AGBL4: variants seen among roughly 807,000 people sequenced by gnomAD.
The protein encoded by AGBL4 is AGBL carboxypeptidase 4, also known as cytosolic carboxypeptidase 6.
In AGBL4, 58 loss-of-function variants were observed where a neutral mutation model predicts 66.4. The ratio of observed to expected loss-of-function variants is 0.87; its 90% CI spans 0.71 to 1.09. The LOEUF (loss-of-function observed/expected upper bound fraction) is 1.09. AGBL4 is among the 50% of genes least tolerant of loss of function. The pLI is 0.00. For synonymous variants in AGBL4, 234 were observed against 222.9 expected, an observed-to-expected ratio of 1.05 and a Z score of -0.44; for missense variants, 579 against 631.0, an observed-to-expected ratio of 0.92 and a Z score of 0.88.
chr1:49,208,146 C>G (rs1648388725), intron 4 of AGBL4, among the ~76,000 whole-genome samples: 1 of 151,982 alleles, frequency 6.6e-6, no homozygotes, highest in Non-Finnish European at 1.5e-5. Flanking sequence ...CTCAGTTTTA[C>G]AGATGAGGAA....
chr1:49,043,767 C>G (rs972197583), intron 5 of AGBL4, among the ~76,000 whole-genome samples: 8 of 152,172 alleles, frequency 5.3e-5, no homozygotes, highest in Non-Finnish European at 8.8e-5. Flanking sequence ...GCTATGAAAT[C>G]ATAGTGCACA....
chr1:49,267,341 C>T (rs1643945352), intron 3 of AGBL4, among the ~76,000 whole-genome samples: 1 of 152,118 alleles, frequency 6.6e-6, no homozygotes, highest in Non-Finnish European at 1.5e-5. Flanking sequence ...ACTGACAGGG[C>T]TGAAGTCAGA....
At chr1:49,563,468 T>C (rs1644107658) in intron 3 of AGBL4, among the ~76,000 whole-genome samples, 1 of 152,198 alleles carries the variant, frequency 6.6e-6, no homozygotes, top group South Asian at 2.1e-4. Flanking sequence ...CTCTTATTAT[T>C]TTGAGATACG....
At chr1:48,835,478 G>A (rs966724178) in intron 6 of AGBL4, among the ~76,000 whole-genome samples, 1 of 152,096 alleles carries the variant, frequency 6.6e-6, no homozygotes, top group African/African-American at 2.4e-5. Flanking sequence ...AGTGTTCTAT[G>A]AGTGCATATA....
chr1:49,102,608 T>A (rs1306575260), intron 4 of AGBL4, among the ~76,000 whole-genome samples: 1 of 152,214 alleles, frequency 6.6e-6, no homozygotes, highest in Non-Finnish European at 1.5e-5. Flanking sequence ...AATGTGAGTA[T>A]AGTTATTGAC....
intron 3 of AGBL4, among the ~76,000 whole-genome samples, chr1:49,393,329 G>A (rs1570605827): frequency 6.6e-6 from 1 of 152,278 alleles, no homozygotes; most frequent in East Asian, 1.9e-4. Context: ...GGCCAATTGA[G>A]TCACATTATT....
At chr1:49,762,171 C>G (rs954030125) in intron 2 of AGBL4, among the ~76,000 whole-genome samples, 3 of 152,082 alleles carry the variant, frequency 2.0e-5, no homozygotes, top group Admixed American at 1.3e-4. Flanking sequence ...TACATAGTGG[C>G]TGTATTAATT....
chr1:48,741,452 G>C (rs946622578), intron 6 of AGBL4, among the ~76,000 whole-genome samples: 3 of 152,228 alleles, frequency 2.0e-5, no homozygotes, highest in Non-Finnish European at 4.4e-5. Context: ...CTGCAAAGCT[G>C]ACGTTTCAAG....
At chr1:48,789,669 G>C (rs1645498689) in intron 6 of AGBL4, among the ~76,000 whole-genome samples, 1 of 152,098 alleles carries the variant, frequency 6.6e-6, no homozygotes, top group African/African-American at 2.4e-5. Context: ...TGATTCTTTA[G>C]GGACAAGATG....
chr1:49,874,570 G>GA (rs1646926934), intron 1 of AGBL4, among the ~76,000 whole-genome samples: 1 of 152,032 alleles, frequency 6.6e-6, no homozygotes, highest in Admixed American at 6.6e-5. Context: ...TATAAATATT[G>GA]AAAAAAGTAG....
chr1:49,009,472 C>A (rs1292909020), intron 5 of AGBL4, among the ~76,000 whole-genome samples: 1 of 150,642 alleles, frequency 6.6e-6, no homozygotes, highest in African/African-American at 2.4e-5. Flanking sequence ...GGTACCATTC[C>A]TTCTGAAACT....
chr1:49,976,688 T>C (rs1658584734), intron 1 of AGBL4, among the ~76,000 whole-genome samples: 1 of 152,248 alleles, frequency 6.6e-6, no homozygotes, highest in Non-Finnish European at 1.5e-5. Context: ...CAGAGCTTTA[T>C]AATGATGTCA....
chr1:49,364,719 C>T lies in AGBL4; in HGVS notation c.283-118855G>A, dbSNP rs956655793. Reference sequence around the variant, plus strand: ...TCTTGAACTCCTGGCCTCAAGTGATCTGCCCACCTCGGCCTCCCAAAGTGC... The same window carrying T: ...TCTTGAACTCCTGGCCTCAAGTGATTTGCCCACCTCGGCCTCCCAAAGTGC... On this transcript the variant is annotated intron_variant, in intron 3 of 13. Transcript: ENST00000371839. Among the ~76,000 whole-genome samples, 4 of 152,338 alleles carry T rather than the reference C, an allele frequency of 2.6e-5. No individual in the cohort carries two copies. In the East Asian group the frequency reaches 7.7e-4, roughly 29 times the overall value.
intron 4 of AGBL4, among the ~76,000 whole-genome samples, chr1:49,219,732 C>T (rs1649352894): frequency 6.6e-6 from 1 of 152,122 alleles, no homozygotes; most frequent in African/African-American, 2.4e-5. Flanking sequence ...GTTTAACTCA[C>T]TTCTTGTTGA....
intron 3 of AGBL4, among the ~76,000 whole-genome samples, chr1:49,653,300 C>T (rs996126793): frequency 1.3e-5 from 2 of 152,026 alleles, no homozygotes; most frequent in Admixed American, 6.6e-5. Flanking sequence ...AAACACCCCA[C>T]AAAACCACAT....
intron 4 of AGBL4, among the ~76,000 whole-genome samples, chr1:49,176,623 A>C (rs1182097678): frequency 6.6e-6 from 1 of 152,218 alleles, no homozygotes; most frequent in East Asian, 1.9e-4. Flanking sequence ...TGCACAGATG[A>C]TAGAACACAT....
intron 3 of AGBL4, among the ~76,000 whole-genome samples, chr1:49,366,589 T>C (rs572185713): frequency 7.4e-4 from 112 of 152,254 alleles, no homozygotes; most frequent in Non-Finnish European, 1.9e-4. Flanking sequence ...TGTCATAGCT[T>C]TTTCTGAGAC....
chr1:49,814,624 C>A (rs935113214), intron 2 of AGBL4, among the ~76,000 whole-genome samples: 1 of 152,124 alleles, frequency 6.6e-6, no homozygotes, highest in Non-Finnish European at 1.5e-5. Context: ...AGGTTTCCAG[C>A]TTTTCTGAAG....
At chr1:48,593,037 A>G (rs1348768096) in intron 9 of AGBL4, among the ~76,000 whole-genome samples, 2 of 152,220 alleles carry the variant, frequency 1.3e-5, no homozygotes, top group Non-Finnish European at 2.9e-5. Flanking sequence ...TTGATTGATC[A>G]TATAATCTGA....
Sources: allele counts gnomAD v4.1 joint callset (sites outside exome capture counted in the v4.1 genomes callset), GRCh38; gene constraint gnomAD v4.1.1; transcripts MANE v1.5; gene names NCBI Gene and HGNC (gene_info 2026-07-23, HGNC 2026-07-21).